The following ADAM22 variants were observed in gnomAD, a reference collection of about 807,000 sequenced individuals.
The protein encoded by ADAM22 is disintegrin and metalloproteinase domain-containing protein 22.
A neutral mutation model predicts 144.6 loss-of-function variants in ADAM22; 65 were observed. That is an observed-to-expected ratio of 0.45 (90% CI 0.37 to 0.55). The LOEUF (loss-of-function observed/expected upper bound fraction) is 0.55, where lower values mean the gene tolerates loss of function less well. ADAM22 is among the 20% of genes least tolerant of loss of function. The pLI, the probability that ADAM22 is intolerant of heterozygous loss-of-function variation, is 0.00. For synonymous variants in ADAM22, 391 were observed against 412.6 expected (o/e 0.95, Z 0.63); for missense variants, 974 against 1,184.9 (o/e 0.82, Z 2.61).
intron 8 of ADAM22, among the ~76,000 whole-genome samples, chr7:88,127,092 G>A (rs1830599917): frequency 6.6e-6 from 1 of 151,548 alleles, no homozygotes; most frequent in African/African-American, 2.4e-5. Context: ...AAACATATGT[G>A]TGTGTATATA....
At chr7:87,960,271 A>G (rs1847736443) in intron 2 of ADAM22, among the ~76,000 whole-genome samples, 1 of 152,182 alleles carries the variant, frequency 6.6e-6, no homozygotes, top group South Asian at 2.1e-4. Context: ...AGAAGTCCAT[A>G]TGCTTTCATT....
chr7:88,045,888 TTGTGTGTGTGTGTGTGTGTGTG>T (rs59898382), intron 3 of ADAM22, among the ~76,000 whole-genome samples: 2 of 133,926 alleles, frequency 1.5e-5, no homozygotes, highest in Non-Finnish European at 3.2e-5. Context: ...TCGTATTCTA[TTGTGTGTGTGTGTGTGTGTGTG>T]TGTGTGTGTG....
intron 4 of ADAM22, among the ~76,000 whole-genome samples, chr7:88,106,528 T>G (rs113893690): frequency 3.3e-5 from 5 of 152,190 alleles, no homozygotes; most frequent in Admixed American, 3.3e-4. Context: ...AGTCCTTAAG[T>G]CATACTGTGA....
intron 3 of ADAM22, among the ~76,000 whole-genome samples, chr7:88,070,904 A>C (rs985622185): frequency 6.6e-6 from 1 of 152,128 alleles, no homozygotes; most frequent in Non-Finnish European, 1.5e-5. Context: ...CACAGTAGAG[A>C]TGTGAGGAGA....
chr7:88,139,221 C>T (rs528902050), intron 14 of ADAM22, among the ~76,000 whole-genome samples: 1 of 152,216 alleles, frequency 6.6e-6, no homozygotes, highest in East Asian at 1.9e-4. Flanking sequence ...AGTTCGAGAC[C>T]AGCCTGGCCA....
intron 3 of ADAM22, among the ~76,000 whole-genome samples, chr7:88,043,631 G>A (rs532741943): frequency 2.0e-5 from 3 of 152,154 alleles, no homozygotes; most frequent in Admixed American, 6.5e-5. Flanking sequence ...AAGCCCAGGA[G>A]TTAGAGGTTC....
intron 2 of ADAM22, among the ~76,000 whole-genome samples, chr7:87,976,177 TGAG>T (rs1851849488): frequency 1.3e-5 from 2 of 152,154 alleles, no homozygotes; most frequent in Admixed American, 6.5e-5. Context: ...GAGGAGGAGA[TGAG>T]GAGGCTAGAC....
chr7:87,997,847 TGAAA>T (rs1370528667), intron 3 of ADAM22, among the ~76,000 whole-genome samples: 2 of 152,214 alleles, frequency 1.3e-5, no homozygotes, highest in African/African-American at 2.4e-5. Context: ...GATGTATATA[TGAAA>T]GAGAGTTTAT....
intron 3 of ADAM22, among the ~76,000 whole-genome samples, chr7:87,996,682 C>T (rs1275241882): frequency 1.3e-5 from 2 of 152,320 alleles, no homozygotes; most frequent in African/African-American, 2.4e-5. Flanking sequence ...TCTGGGATCA[C>T]GATACCTTGT....
chr7:87,979,451 A>C (rs1377279175), intron 3 of ADAM22, among the ~76,000 whole-genome samples: 1 of 152,160 alleles, frequency 6.6e-6, no homozygotes. Context: ...TCATCTACTT[A>C]ATACCTAGTC....
At chr7:88,184,606 A>G (rs1310116696) in intron 29 of ADAM22, among the ~76,000 whole-genome samples, 1 of 150,108 alleles carries the variant, frequency 6.7e-6, no homozygotes, top group Non-Finnish European at 1.5e-5. Context: ...ATCTAACGCC[A>G]TTTTTTTTTG....
intron 2 of ADAM22, among the ~76,000 whole-genome samples, chr7:87,953,226 G>A (rs1328451464): frequency 2.0e-5 from 3 of 151,548 alleles, no homozygotes; most frequent in Admixed American, 6.6e-5. Context: ...TCTTTTAATT[G>A]TGATGTTAGG....
intron 3 of ADAM22, among the ~76,000 whole-genome samples, chr7:88,073,108 AG>A (rs1384022245): frequency 6.6e-6 from 1 of 152,310 alleles, no homozygotes; most frequent in East Asian, 1.9e-4. Context: ...ATGATGGTCA[AG>A]GAAGGCCTGG....
intron 3 of ADAM22, among the ~76,000 whole-genome samples, chr7:88,016,785 T>A (rs377363173): frequency 3.3e-5 from 5 of 151,970 alleles, no homozygotes; most frequent in East Asian, 1.9e-4. Context: ...AGAAAGGTAG[T>A]GGGAAGGGAA....
At chr7:88,021,130 GA>G (rs1797732332) in intron 3 of ADAM22, among the ~76,000 whole-genome samples, 2 of 152,160 alleles carry the variant, frequency 1.3e-5, no homozygotes, top group Admixed American at 6.5e-5. Context: ...AGAAGGCAGG[GA>G]ACTCTTTGCT....
chr7:88,122,968 T>A (rs1241109323), intron 7 of ADAM22, among the ~76,000 whole-genome samples: 1 of 152,158 alleles, frequency 6.6e-6, no homozygotes, highest in Non-Finnish European at 1.5e-5. Flanking sequence ...TTGCTAAGAG[T>A]TTTTATCAAG....
chr7:88,195,428 A>G (rs1019793718), intron 31 of ADAM22, among the ~76,000 whole-genome samples: 2 of 152,210 alleles, frequency 1.3e-5, no homozygotes, highest in African/African-American at 4.8e-5. Context: ...GGTAAGAGGG[A>G]CAGAATGAAT....
At chr7:88,196,083 G>C (rs1022867242) in intron 31 of ADAM22, among the ~76,000 whole-genome samples, 14 of 152,218 alleles carry the variant, frequency 9.2e-5, no homozygotes, top group African/African-American at 3.4e-4. Context: ...GTGCAGCTGA[G>C]GTTGAGAACC....
At chr7:88,011,265 G>T (rs1208090273) in intron 3 of ADAM22, among the ~76,000 whole-genome samples, 1 of 152,182 alleles carries the variant, frequency 6.6e-6, no homozygotes, top group Non-Finnish European at 1.5e-5. Flanking sequence ...ATTGAACATT[G>T]AAATTAAAAA....
Sources: allele counts gnomAD v4.1 joint callset (sites outside exome capture counted in the v4.1 genomes callset), GRCh38; gene constraint gnomAD v4.1.1; transcripts MANE v1.5; gene names NCBI Gene and HGNC (gene_info 2026-07-23, HGNC 2026-07-21).